DLGAP1: variants seen among roughly 807,000 people sequenced by gnomAD.
The protein encoded by DLGAP1 is DLG associated protein 1.
A neutral mutation model predicts 90.8 loss-of-function variants in DLGAP1; 11 were observed. That is an observed-to-expected ratio of 0.12 (90% CI 0.08 to 0.20). The LOEUF is 0.20. Ranked by LOEUF, DLGAP1 falls within the 10% of genes least tolerant of loss-of-function variation. DLGAP1 has a pLI of 1.00. For missense variants in DLGAP1, 1,050 were observed against 1,333.8 expected (o/e 0.79, Z 3.31); for synonymous variants, 558 against 540.7 (o/e 1.03, Z -0.44).
At chr18:3,915,102 C>T (rs1248575097) in intron 3 of DLGAP1, among the ~76,000 whole-genome samples, 1 of 152,140 alleles carries the variant, frequency 6.6e-6, no homozygotes, top group Non-Finnish European at 1.5e-5. Flanking sequence ...GTTTGCATTT[C>T]CCTGATGACT....
At chr18:4,307,989 A>G (rs1442788012) in intron 1 of DLGAP1, among the ~76,000 whole-genome samples, 1 of 152,074 alleles carries the variant, frequency 6.6e-6, no homozygotes, top group Non-Finnish European at 1.5e-5. Flanking sequence ...TGCTGGGATT[A>G]CGGGCATGAG....
chr18:4,282,736 C>T (rs1299417430), intron 1 of DLGAP1, among the ~76,000 whole-genome samples: 1 of 152,190 alleles, frequency 6.6e-6, no homozygotes, highest in East Asian at 1.9e-4. Context: ...TCTGTGATCA[C>T]ATAACTGGGG....
At position 4,322,808 on chromosome 18, in the gene DLGAP1, A is replaced by G. The variant is rs527868484; in HGVS notation, c.-267+132198T>C. On this transcript the variant is annotated intron_variant, in intron 1 of 12. Coordinates refer to ENST00000315677, the MANE Select transcript of DLGAP1 (RefSeq NM_004746.4). ...AACTCCGTCTCTACGAAAAAATACA[A>G]AAATTAGCCAGGCGTTTTGGCGGGC... Among the ~76,000 whole-genome samples, 65 of 152,260 alleles carry G rather than the reference A, an allele frequency of 4.3e-4. 1 individual carries two copies. The highest frequency in any genetic ancestry group is 3.7e-3 in the South Asian group (18 of 4,822).
chr18:3,588,677 G>T (rs2056046128), intron 7 of DLGAP1, among the ~76,000 whole-genome samples: 1 of 151,332 alleles, frequency 6.6e-6, no homozygotes, highest in East Asian at 1.9e-4. Flanking sequence ...CTACTCAGGA[G>T]GCTGAGGCAG....
chr18:3,509,417 C>CAGCT, intron 10 of DLGAP1, among the ~76,000 whole-genome samples: 1 of 152,218 alleles, frequency 6.6e-6, no homozygotes, highest in Non-Finnish European at 1.5e-5. Context: ...AGGCACCTTT[C>CAGCT]AGCTGCCTGC....
At chr18:3,506,737 A>G (rs1233573546) in intron 11 of DLGAP1, among the ~76,000 whole-genome samples, 4 of 152,076 alleles carry the variant, frequency 2.6e-5, no homozygotes, top group African/African-American at 4.8e-5. Context: ...CCTATTCTTC[A>G]TGTACATGTT....
chr18:4,013,586 C>T (rs2074468400), intron 2 of DLGAP1: 1 of 152,212 alleles, frequency 6.6e-6, no homozygotes, highest in Admixed American at 6.5e-5. Context: ...GCTCCATTCT[C>T]CTCAACTCTC....
In DLGAP1 at chr18:4,366,314, T is replaced by C. The variant is rs1001113297; in HGVS notation, c.-267+88692A>G. Among the ~76,000 whole-genome samples the C allele has an allele frequency of 2.6e-5, 4 of 152,086 alleles. No individual in the cohort carries two copies. In the East Asian group the frequency reaches 7.7e-4, roughly 29 times the overall value. On this transcript the variant is annotated intron_variant, in intron 1 of 12. Coordinates refer to ENST00000315677, the MANE Select transcript of DLGAP1 (RefSeq NM_004746.4). The stretch of plus-strand genomic sequence containing the variant: ...AAATTTTGAACCATATTAAGGGAAG[T>C]TGGGGAATTGAATTTTTCTTGGAAA...
At chr18:3,629,450 T>C (rs1488204806) in intron 7 of DLGAP1, among the ~76,000 whole-genome samples, 3 of 151,942 alleles carry the variant, frequency 2.0e-5, no homozygotes, top group Admixed American at 1.3e-4. Flanking sequence ...GGCGGGCGGA[T>C]CACGAGGTCA....
intron 7 of DLGAP1, among the ~76,000 whole-genome samples, chr18:3,662,338 T>C (rs2059713774): frequency 6.6e-6 from 1 of 152,154 alleles, no homozygotes; most frequent in African/African-American, 2.4e-5. Context: ...GTTTCCAAAA[T>C]AGACAAAAAG....
intron 1 of DLGAP1, among the ~76,000 whole-genome samples, chr18:4,248,885 C>T (rs1181770663): frequency 6.6e-6 from 1 of 152,204 alleles, no homozygotes; most frequent in Non-Finnish European, 1.5e-5. Flanking sequence ...TCCATCACTC[C>T]CACTGCTTCA....
At chr18:3,615,626 T>G (rs1168255099) in intron 7 of DLGAP1, among the ~76,000 whole-genome samples, 1 of 152,148 alleles carries the variant, frequency 6.6e-6, no homozygotes, top group Non-Finnish European at 1.5e-5. Context: ...GAAAGCTGCA[T>G]TTTTCATTGC....
intron 2 of DLGAP1, among the ~76,000 whole-genome samples, chr18:4,060,852 C>G (rs1173388526): frequency 2.0e-5 from 3 of 151,976 alleles, no homozygotes; most frequent in Non-Finnish European, 2.9e-5. Flanking sequence ...AAAGTCCAAG[C>G]ATGTTGTATA....
intron 1 of DLGAP1, among the ~76,000 whole-genome samples, chr18:4,228,048 G>C (rs1210978849): frequency 6.6e-6 from 1 of 151,418 alleles, no homozygotes; most frequent in Non-Finnish European, 1.5e-5. Flanking sequence ...AAATTCAAAT[G>C]ATCATTAGAG....
intron 7 of DLGAP1, among the ~76,000 whole-genome samples, chr18:3,590,475 A>G (rs775037653): frequency 5.9e-4 from 90 of 152,244 alleles, no homozygotes; most frequent in Admixed American, 9.8e-4. Flanking sequence ...CCCTGTGTGT[A>G]CAGAGCAGGG....
chr18:3,635,364 C>T (rs1024967590), intron 7 of DLGAP1, among the ~76,000 whole-genome samples: 2 of 151,804 alleles, frequency 1.3e-5, no homozygotes, highest in Non-Finnish European at 2.9e-5. Flanking sequence ...TCTCGATCTC[C>T]TGACCTTGTG....
chr18:4,207,288 C>T (rs2077740800), intron 1 of DLGAP1, among the ~76,000 whole-genome samples: 1 of 152,012 alleles, frequency 6.6e-6, no homozygotes, highest in African/African-American at 2.4e-5. Context: ...GAATGACAGC[C>T]AAGCAGAGGG....
intron 2 of DLGAP1, among the ~76,000 whole-genome samples, chr18:4,114,498 G>C (rs1351470965): frequency 6.6e-6 from 1 of 152,106 alleles, no homozygotes. Flanking sequence ...AACAGTTTCA[G>C]GAGGTTTTTG....
intron 2 of DLGAP1, among the ~76,000 whole-genome samples, chr18:4,100,332 A>C (rs866718495): frequency 6.6e-6 from 1 of 152,214 alleles, no homozygotes; most frequent in South Asian, 2.1e-4. Context: ...GGACATTGTC[A>C]ATGAACAGTA....
Sources: allele counts gnomAD v4.1 joint callset (sites outside exome capture counted in the v4.1 genomes callset), GRCh38; gene constraint gnomAD v4.1.1; transcripts MANE v1.5; gene names NCBI Gene and HGNC (gene_info 2026-07-23, HGNC 2026-07-21).